DNAH6: variants seen among roughly 807,000 people sequenced by gnomAD.
DNAH6 encodes axonemal beta dynein heavy chain 6.
Under a neutral mutation model 491.4 loss-of-function variants are expected in DNAH6, and 340 were observed. The observed-to-expected ratio is 0.69, with a 90% CI of 0.63 to 0.76. The LOEUF (loss-of-function observed/expected upper bound fraction) is 0.76. DNAH6 is among the 30% of genes least tolerant of loss of function. DNAH6 has a pLI of 0.00. For synonymous variants in DNAH6, 1,603 were observed against 1,686.1 expected (o/e 0.95, Z 1.21); for missense variants, 4,443 against 4,972.2 (o/e 0.89, Z 3.20).
intron 11 of DNAH6, among the ~76,000 whole-genome samples, chr2:84,570,708 C>T (rs1431892987): frequency 1.3e-5 from 2 of 152,188 alleles, no homozygotes; most frequent in Non-Finnish European, 2.9e-5. Flanking sequence ...GACCAATCAG[C>T]AGGATATGGG....
At chr2:84,668,802 C>A (rs1692421919) in intron 37 of DNAH6, among the ~76,000 whole-genome samples, 1 of 143,194 alleles carries the variant, frequency 7.0e-6, no homozygotes, top group Non-Finnish European at 1.5e-5. Flanking sequence ...TAGAAATGAG[C>A]CATCCCTCTG....
the DNAH6 span, among the ~76,000 whole-genome samples, chr2:84,489,106 T>C: frequency 6.6e-6 from 1 of 152,184 alleles, no homozygotes; most frequent in Admixed American, 6.5e-5. Context: ...ACTTCAACAG[T>C]GTGCATATGT....
At chr2:84,618,854 G>A (rs943797925) in intron 23 of DNAH6, among the ~76,000 whole-genome samples, 59 of 152,156 alleles carry the variant, frequency 3.9e-4, no homozygotes, top group African/African-American at 1.3e-3. Context: ...GATACTCAAG[G>A]CTTTGTAGGC....
chr2:84,605,688 G>A, intron 20 of DNAH6, 96 bp downstream of exon 20: 1 of 745,142 alleles, frequency 1.3e-6, no homozygotes, highest in Non-Finnish European at 2.1e-6. Context: ...AATAAAACAT[G>A]AGAGTCACTT....
intron 38 of DNAH6, 103 bp downstream of exon 38, chr2:84,669,613 GT>G: frequency 1.1e-6 from 1 of 951,216 alleles, no homozygotes; most frequent in Non-Finnish European, 1.6e-6. Flanking sequence ...GAGGAATTTT[GT>G]TTAGCGTTTA....
intron 45 of DNAH6, among the ~76,000 whole-genome samples, chr2:84,691,103 G>A (rs1007413801): frequency 7.9e-5 from 12 of 152,266 alleles, no homozygotes; most frequent in African/African-American, 2.2e-4. Flanking sequence ...TGCCTACCAC[G>A]TGAGAGAAAA....
At chr2:84,466,119 G>A in the DNAH6 span, among the ~76,000 whole-genome samples, 1 of 152,156 alleles carries the variant, frequency 6.6e-6, no homozygotes, top group African/African-American at 2.4e-5. Flanking sequence ...TGGGGCTCCT[G>A]GACCTGTGAG....
chr2:84,649,560 G>T (rs1449037913), intron 33 of DNAH6, among the ~76,000 whole-genome samples: 1 of 152,000 alleles, frequency 6.6e-6, no homozygotes, highest in African/African-American at 2.4e-5. Context: ...TAGGATTCTG[G>T]AGTGACAGTT....
At chr2:84,697,774 C>G (rs1695533935) in intron 47 of DNAH6, 47 bp downstream of exon 47, 1 of 1,547,434 alleles carries the variant, frequency 6.5e-7, no homozygotes, top group Non-Finnish European at 8.7e-7. Flanking sequence ...AAAAACGTTT[C>G]TTCACCTTTT....
intron 26 of DNAH6, among the ~76,000 whole-genome samples, chr2:84,623,887 A>T (rs929486424): frequency 1.3e-5 from 2 of 152,218 alleles, no homozygotes; most frequent in African/African-American, 4.8e-5. Context: ...ATCACCTTTA[A>T]CCACATTTAA....
At chr2:84,500,549 CTTTTCTATTTCTGTG>C in the DNAH6 span, among the ~76,000 whole-genome samples, 2 of 152,232 alleles carry the variant, frequency 1.3e-5, no homozygotes, top group Non-Finnish European at 1.5e-5. Flanking sequence ...TTAGGATTGT[CTTTTCTATTTCTGTG>C]AAGAATGTCA....
chr2:84,816,129 C>G, intron 76 of DNAH6, 46 bp downstream of exon 76: 2 of 1,437,918 alleles, frequency 1.4e-6, no homozygotes, highest in Non-Finnish European at 1.9e-6. Flanking sequence ...CAAATGCAAT[C>G]TTCAATCAAA....
intron 47 of DNAH6, 23 bp downstream of exon 47, chr2:84,697,750 T>C (rs963001047): frequency 3.2e-6 from 5 of 1,551,416 alleles, no homozygotes; most frequent in Admixed American, 3.9e-5. Context: ...AGAGTAGTTA[T>C]GTGGCTTTAT....
chr2:84,639,417 ATTT>A (rs374331918), intron 31 of DNAH6, among the ~76,000 whole-genome samples: 1,574 of 133,220 alleles, frequency 0.012, 32 homozygotes, highest in African/African-American at 0.042. Context: ...GTTGTCAGTA[ATTT>A]TTTTTTTTTT....
At chr2:84,563,336 A>C (rs1036828000) in intron 11 of DNAH6, among the ~76,000 whole-genome samples, 43 of 152,316 alleles carry the variant, frequency 2.8e-4, no homozygotes, top group Non-Finnish European at 4.0e-4. Flanking sequence ...GAACTAATTT[A>C]CATTCCCACT....
At chr2:84,574,529 C>A (rs1682235923) in intron 12 of DNAH6, among the ~76,000 whole-genome samples, 1 of 152,088 alleles carries the variant, frequency 6.6e-6, no homozygotes, top group African/African-American at 2.4e-5. Context: ...ATTGTTATGT[C>A]CCTTAAATTT....
chr2:84,800,760 G>A (rs903710152), intron 70 of DNAH6, among the ~76,000 whole-genome samples: 1 of 152,098 alleles, frequency 6.6e-6, no homozygotes, highest in Non-Finnish European at 1.5e-5. Context: ...ATGAGATTAT[G>A]TAAAGTGACT....
intron 2 of DNAH6, among the ~76,000 whole-genome samples, chr2:84,522,972 T>G (rs1208962772): frequency 6.6e-6 from 1 of 152,186 alleles, no homozygotes; most frequent in Non-Finnish European, 1.5e-5. Flanking sequence ...AGGATGATGC[T>G]GGCCTCATAA....
intron 59 of DNAH6, among the ~76,000 whole-genome samples, chr2:84,719,730 C>T (rs1346313544): frequency 6.6e-6 from 1 of 151,944 alleles, no homozygotes; most frequent in Non-Finnish European, 1.5e-5. Context: ...CACCATGTTG[C>T]CCAGGCTAGT....
Sources: gnomAD v4.1 joint callset for allele counts (sites outside exome capture counted in the v4.1 genomes callset) on GRCh38, gnomAD v4.1.1 for gene constraint, MANE v1.5 for transcripts, NCBI Gene and HGNC (gene_info 2026-07-23, HGNC 2026-07-21) for gene names.